PTPRM: variants seen among roughly 807,000 people sequenced by gnomAD.
PTPRM encodes receptor-type tyrosine-protein phosphatase mu.
A neutral mutation model predicts 186.7 loss-of-function variants in PTPRM; 47 were observed. The observed-to-expected ratio is 0.25, with a 90% confidence interval of 0.20 to 0.32. The LOEUF is 0.32. Among genes scored for constraint, PTPRM ranks in the 10% least tolerant of loss-of-function variants. The pLI is 1.00. For synonymous variants in PTPRM, 668 were observed against 674.9 expected (o/e 0.99, Z 0.16); for missense variants, 1,494 against 1,865.0 (o/e 0.80, Z 3.66).
At chr18:7,621,623 A>G (rs1425940359) in intron 1 of PTPRM, among the ~76,000 whole-genome samples, 3 of 152,188 alleles carry the variant, frequency 2.0e-5, no homozygotes, top group Non-Finnish European at 4.4e-5. Context: ...CCATCTATAC[A>G]TCCATCACCT....
intron 14 of PTPRM, among the ~76,000 whole-genome samples, chr18:8,211,377 C>CTTTTTTTTTTTTTTTTTTTTTTT (rs970926126): frequency 7.3e-4 from 64 of 87,238 alleles, no homozygotes; most frequent in Non-Finnish European, 9.3e-4. Flanking sequence ...GTCTCTTCTT[C>CTTTTTTTTTTTTTTTTTTTTTTT]TTTTTTTTTT....
At chr18:8,293,205 T>C (rs532523021) in intron 19 of PTPRM, among the ~76,000 whole-genome samples, 1 of 152,366 alleles carries the variant, frequency 6.6e-6, no homozygotes, top group South Asian at 2.1e-4. Flanking sequence ...TGCAGTACAA[T>C]TGGTTATTAT....
intron 22 of PTPRM, among the ~76,000 whole-genome samples, chr18:8,322,606 A>C (rs879907037): frequency 6.6e-6 from 1 of 152,178 alleles, no homozygotes; most frequent in Non-Finnish European, 1.5e-5. Flanking sequence ...GGGCAGAGTG[A>C]AGATTTCAAA....
At chr18:7,966,673 C>A (rs1010121412) in intron 7 of PTPRM, among the ~76,000 whole-genome samples, 1 of 146,940 alleles carries the variant, frequency 6.8e-6, no homozygotes, top group African/African-American at 2.5e-5. Flanking sequence ...AGTTCCCTTT[C>A]CGAGTCAAAG....
chr18:8,372,054 T>TA (rs1568850546), intron 24 of PTPRM, among the ~76,000 whole-genome samples: 10 of 98,118 alleles, frequency 1.0e-4, no homozygotes, highest in African/African-American at 3.4e-4. Flanking sequence ...CCACTCTATA[T>TA]TCTTTTTTTT....
intron 6 of PTPRM, among the ~76,000 whole-genome samples, chr18:7,951,995 A>C (rs2147084225): frequency 6.6e-6 from 1 of 152,294 alleles, no homozygotes; most frequent in Non-Finnish European, 1.5e-5. Flanking sequence ...TAATTGACTA[A>C]CCATCACTCT....
intron 1 of PTPRM, among the ~76,000 whole-genome samples, chr18:7,730,897 G>A (rs1598451346): frequency 6.6e-6 from 1 of 152,170 alleles, no homozygotes; most frequent in South Asian, 2.1e-4. Context: ...TAATTGCAGA[G>A]TGTCACATTG....
At chr18:8,401,844 A>C (rs760767713) in intron 32 of PTPRM, among the ~76,000 whole-genome samples, 1 of 152,246 alleles carries the variant, frequency 6.6e-6, no homozygotes, top group Non-Finnish European at 1.5e-5. Context: ...ACTCATAGGT[A>C]CAGGAAGTCT....
chr18:7,599,009 C>T (rs1357514873), intron 1 of PTPRM, among the ~76,000 whole-genome samples: 3 of 151,548 alleles, frequency 2.0e-5, no homozygotes, highest in Non-Finnish European at 2.9e-5. Flanking sequence ...TTCTAATTTT[C>T]GTCATTCCCA....
chr18:8,255,759 G>C (rs894817221), intron 19 of PTPRM, among the ~76,000 whole-genome samples: 1 of 152,172 alleles, frequency 6.6e-6, no homozygotes, highest in African/African-American at 2.4e-5. Flanking sequence ...ACTGAGTACC[G>C]TGCCCCTTGT....
At chr18:7,606,343 C>T (rs2037529947) in intron 1 of PTPRM, among the ~76,000 whole-genome samples, 1 of 152,102 alleles carries the variant, frequency 6.6e-6, no homozygotes, top group South Asian at 2.1e-4. Context: ...ACCGTAGTGG[C>T]TTCCATGGCT....
At chr18:7,593,090 C>T (rs556131864) in intron 1 of PTPRM, among the ~76,000 whole-genome samples, 1 of 152,232 alleles carries the variant, frequency 6.6e-6, no homozygotes, top group South Asian at 2.1e-4. Context: ...ACAATAAAAT[C>T]AGTGGCAAGG....
intron 14 of PTPRM, among the ~76,000 whole-genome samples, chr18:8,233,525 A>G (rs2094311449): frequency 6.6e-6 from 1 of 152,098 alleles, no homozygotes; most frequent in Admixed American, 6.6e-5. Flanking sequence ...CTTATTGTTC[A>G]GTTTTAAGAG....
chr18:8,301,111 TG>T lies in PTPRM; in HGVS notation c.2842+4659del, dbSNP rs1346578314. Among the ~76,000 whole-genome samples, 4 of 152,194 alleles carry T rather than the reference TG, an allele frequency of 2.6e-5. No homozygotes were observed. In the East Asian group the frequency reaches 7.7e-4, roughly 29 times the overall value. On this transcript the variant is annotated intron_variant, in intron 20 of 32. Coordinates refer to ENST00000580170, the MANE Select transcript of PTPRM (RefSeq NM_001105244.2). ...AACACCACTAACTAGAATAAGGAAT[TG>T]GGAATTCAGTCAGCATATCTTAGAG...
intron 7 of PTPRM, among the ~76,000 whole-genome samples, chr18:8,028,198 C>T (rs1051305421): frequency 3.9e-5 from 6 of 152,168 alleles, no homozygotes; most frequent in African/African-American, 7.2e-5. Flanking sequence ...GATGGGGTTT[C>T]GCCATGTTGG....
chr18:8,204,690 C>T (rs1365527519), intron 14 of PTPRM, among the ~76,000 whole-genome samples: 3 of 151,950 alleles, frequency 2.0e-5, no homozygotes, highest in African/African-American at 7.3e-5. Context: ...AGCAATCACA[C>T]TTGGACTTGA....
intron 22 of PTPRM, among the ~76,000 whole-genome samples, chr18:8,333,536 C>CGTT (rs2095422865): frequency 6.6e-6 from 1 of 152,114 alleles, no homozygotes; most frequent in Admixed American, 6.5e-5. Flanking sequence ...CTTAGAAAAC[C>CGTT]ACTGAAGGGA....
chr18:8,048,881 C>T lies in PTPRM; in HGVS notation c.1133-20805C>T, dbSNP rs189817097. 2.0e-3 allele frequency among the ~76,000 whole-genome samples: 310 copies of T among 152,260 alleles called. 2 individuals carry two copies. Among genetic ancestry groups the T allele is most frequent in the African/African-American group, 7.1e-3 (295 of 41,552 alleles). ...TTTTTCATCACTAATTACATTACTT[C>T]TGTAGCAAAGAGTGAATGGTTTGGG... On this transcript the variant is annotated intron_variant, in intron 7 of 32. Transcript: ENST00000580170.
intron 1 of PTPRM, among the ~76,000 whole-genome samples, chr18:7,599,544 CTCA>C (rs1484874629): frequency 6.6e-6 from 1 of 152,204 alleles, no homozygotes; most frequent in Non-Finnish European, 1.5e-5. Flanking sequence ...CCCAACAGCT[CTCA>C]TCATTTCTTT....
Sources: allele counts gnomAD v4.1 joint callset (sites outside exome capture counted in the v4.1 genomes callset), GRCh38; gene constraint gnomAD v4.1.1; transcripts MANE v1.5; gene names NCBI Gene and HGNC (gene_info 2026-07-23, HGNC 2026-07-21).